The following TMEM200A variants were observed in gnomAD, a reference collection of about 807,000 sequenced individuals.
TMEM200A encodes two transmembrane C.
A neutral mutation model predicts 24.3 loss-of-function variants in TMEM200A; 12 were observed. The ratio of observed to expected loss-of-function variants is 0.49; its 90% CI spans 0.32 to 0.80. TMEM200A has a LOEUF of 0.80. Ranked by LOEUF, TMEM200A falls within the 30% of genes least tolerant of loss-of-function variation. TMEM200A has a pLI of 0.04. For missense variants in TMEM200A, 545 were observed against 614.4 expected (o/e 0.89, Z 1.19); for synonymous variants, 224 against 224.4 (o/e 1.00, Z 0.02).
chr6:130,366,367 C>T lies in TMEM200A; in HGVS notation c.-238C>T. On this transcript the variant is annotated 5_prime_UTR_variant, in exon 1 of 3. Transcript: ENST00000296978. The surrounding 1 kb of genome is among the most constrained non-coding windows in gnomAD (Gnocchi z 4.4). ...CCTGGGATGGGGAGGGAGACCGCGG[C>T]TGCCCGCGGCGGCCGAGATTCCCGC... The T allele has an allele frequency of 3.0e-6, 3 of 985,240 alleles. No individual in the cohort carries two copies. Among genetic ancestry groups the T allele is most frequent in the Non-Finnish European group, 3.6e-6 (3 of 829,958 alleles). The allele number at this position is 985,240 out of a possible 1,614,324, so 61.0% of individuals were successfully genotyped here. A position where few individuals can be genotyped will look rare whatever the true frequency, so the allele number is the denominator to read the frequency against.
intron 2 of TMEM200A, chr6:130,421,227 C>T (rs1227848990): frequency 2.0e-5 from 3 of 152,080 alleles, no homozygotes; most frequent in Admixed American, 6.6e-5. Context: ...TTTGCATTCC[C>T]GACAAGCTCA....
chr6:130,393,104 C>T (rs1409147820), intron 2 of TMEM200A, among the ~76,000 whole-genome samples: 3 of 152,142 alleles, frequency 2.0e-5, no homozygotes, highest in Non-Finnish European at 4.4e-5. Context: ...AATGAAGAAA[C>T]CATGCAGGCA....
intron 2 of TMEM200A, among the ~76,000 whole-genome samples, chr6:130,403,157 T>C (rs1779126311): frequency 5.3e-5 from 8 of 152,030 alleles, no homozygotes; most frequent in Admixed American, 5.2e-4. Context: ...GTCCCTTCCA[T>C]TCTGAGGGAC....
chr6:130,390,284 T>C (rs7755610), intron 2 of TMEM200A, among the ~76,000 whole-genome samples: 10,166 of 152,322 alleles, frequency 0.067, 911 homozygotes, highest in African/African-American at 0.2. Context: ...TCATCTATTA[T>C]AGTTTTAACC....
At chr6:130,400,047 C>CAT (rs71174463) in intron 2 of TMEM200A, among the ~76,000 whole-genome samples, 22 of 151,570 alleles carry the variant, frequency 1.5e-4, no homozygotes, top group African/African-American at 3.1e-4. Flanking sequence ...AGTATTCCAT[C>CAT]ATATATATAT....
In TMEM200A at chr6:130,431,684, T is replaced by C. The variant is rs61188101; in HGVS notation, c.-16-8723T>C. 4.2e-3 allele frequency among the ~76,000 whole-genome samples: 634 copies of C among 152,264 alleles called. 6 individuals carry two copies. Among genetic ancestry groups the C allele is most frequent in the African/African-American group, 0.014 (590 of 41,546 alleles). The stretch of plus-strand genomic sequence containing the variant: ...TCTGTTACTTGGCCTCCTGGAGACT[T>C]CTGTATTCTACGGGCTTCTGGCTTT... On this transcript the variant is annotated intron_variant, in intron 2 of 2. Transcript: ENST00000296978.
intron 1 of TMEM200A, among the ~76,000 whole-genome samples, chr6:130,381,075 C>T (rs919178758): frequency 3.3e-5 from 5 of 152,374 alleles, no homozygotes; most frequent in Admixed American, 6.5e-5. Context: ...ATAGTACTCT[C>T]TTAAGTTATA....
intron 1 of TMEM200A, among the ~76,000 whole-genome samples, chr6:130,373,451 G>C (rs967549476): frequency 6.6e-6 from 1 of 152,024 alleles, no homozygotes; most frequent in African/African-American, 2.4e-5. Flanking sequence ...ATGCTTAATA[G>C]TGTATTACAA....
chr6:130,419,571 C>T (rs1403974016), intron 2 of TMEM200A, among the ~76,000 whole-genome samples: 2 of 152,142 alleles, frequency 1.3e-5, no homozygotes, highest in Admixed American at 1.3e-4. Context: ...TGTGCAGCCT[C>T]TCCAGCATTC....
At chr6:130,385,499 A>T (rs1778691200) in intron 2 of TMEM200A, among the ~76,000 whole-genome samples, 2 of 152,178 alleles carry the variant, frequency 1.3e-5, no homozygotes, top group South Asian at 4.1e-4. Context: ...TCACTGTAAA[A>T]ATAATTGTAT....
chr6:130,435,547 T>A (rs987547788), intron 2 of TMEM200A, among the ~76,000 whole-genome samples: 2 of 152,112 alleles, frequency 1.3e-5, no homozygotes, highest in African/African-American at 4.8e-5. Context: ...TAGAAAGAGG[T>A]CTGTAGTGGA....
intron 2 of TMEM200A, chr6:130,437,108 G>A (rs1276212452): frequency 2.0e-5 from 3 of 152,182 alleles, no homozygotes; most frequent in Non-Finnish European, 4.4e-5. Context: ...TGGCAGATGT[G>A]TATAAATTGC....
chr6:130,421,713 G>A (rs1410086521), intron 2 of TMEM200A, among the ~76,000 whole-genome samples: 3 of 151,824 alleles, frequency 2.0e-5, no homozygotes, highest in Non-Finnish European at 4.4e-5. Context: ...CTTCACCCCT[G>A]GTCACCACCA....
chr6:130,380,128 G>A (rs993275388), intron 1 of TMEM200A, among the ~76,000 whole-genome samples: 8 of 152,130 alleles, frequency 5.3e-5, no homozygotes, highest in Non-Finnish European at 1.0e-4. Flanking sequence ...AGTGAAATGG[G>A]ATTAAAAGTT....
At chr6:130,417,829 T>TA (rs1779494322) in intron 2 of TMEM200A, among the ~76,000 whole-genome samples, 1 of 152,200 alleles carries the variant, frequency 6.6e-6, no homozygotes, top group African/African-American at 2.4e-5. Context: ...TCCTGGTTGA[T>TA]ATTCATAATC....
chr6:130,365,817 C>T, upstream of TMEM200A: 1 of 985,542 alleles, frequency 1.0e-6, no homozygotes, highest in Non-Finnish European at 1.2e-6. Context: ...GGCCTGGGCT[C>T]CTGCAGAGCA....
chr6:130,438,813 C>T (rs1331751480), intron 2 of TMEM200A: 1 of 152,162 alleles, frequency 6.6e-6, no homozygotes, highest in African/African-American at 2.4e-5. Flanking sequence ...AGAAAACTTG[C>T]TATTATAAAA....
At chr6:130,393,802 G>A (rs1583189932) in intron 2 of TMEM200A, among the ~76,000 whole-genome samples, 2 of 152,282 alleles carry the variant, frequency 1.3e-5, no homozygotes, top group East Asian at 1.9e-4. Flanking sequence ...ATGCCATGAT[G>A]TCTGAAAAGA....
At chr6:130,381,867 A>G in intron 1 of TMEM200A, 1 of 974,514 alleles carries the variant, frequency 1.0e-6, no homozygotes, top group Non-Finnish European at 1.2e-6. Context: ...TGCTGACTGA[A>G]GGTTAACATT....
Sources: gnomAD v4.1 joint callset for allele counts (sites outside exome capture counted in the v4.1 genomes callset) on GRCh38, gnomAD v4.1.1 for gene constraint, Gnocchi (gnomAD v3.1) non-coding constraint, MANE v1.5 for transcripts, NCBI Gene and HGNC (gene_info 2026-07-23, HGNC 2026-07-21) for gene names.